The following SFMBT1 variants were observed in gnomAD, a reference collection of about 807,000 sequenced individuals.
The protein encoded by SFMBT1 is Scm like with four mbt domains 1.
A neutral mutation model predicts 108.7 loss-of-function variants in SFMBT1; 32 were observed. The ratio of observed to expected loss-of-function variants is 0.29; its 90% confidence interval spans 0.22 to 0.40. The LOEUF (loss-of-function observed/expected upper bound fraction) is 0.40, where lower values mean the gene tolerates loss of function less well. Ranked by LOEUF, SFMBT1 falls within the 10% of genes least tolerant of loss-of-function variation. SFMBT1 has a pLI of 1.00. For missense variants in SFMBT1, 816 were observed against 1,059.6 expected, an observed-to-expected ratio of 0.77 and a Z score of 3.19; for synonymous variants, 348 against 369.5, an observed-to-expected ratio of 0.94 and a Z score of 0.67.
At chr3:53,003,861 A>C (rs1214191354) in intron 1 of SFMBT1, among the ~76,000 whole-genome samples, 1 of 149,930 alleles carries the variant, frequency 6.7e-6, no homozygotes, top group Non-Finnish European at 1.5e-5. Context: ...TCCAAAATAC[A>C]TTTTATATCT....
chr3:53,013,817 T>C lies in SFMBT1; in HGVS notation c.-131+31999A>G, dbSNP rs188468008. ...CTAATTTTTGTATTTTTAGTAGAGA[T>C]GGGGTTTCACCATGTTGGTCAGGCT... On this transcript the variant is annotated intron_variant, in intron 1 of 20. Transcript: ENST00000394752. Among the ~76,000 whole-genome samples, 1,179 of 150,128 alleles carry C rather than the reference T, an allele frequency of 7.9e-3. 1 individual carries two copies. The highest frequency in any genetic ancestry group is 0.028 in the African/African-American group (1,126 of 39,798).
At chr3:52,963,081 C>A (rs548534783) in intron 2 of SFMBT1, among the ~76,000 whole-genome samples, 29 of 151,992 alleles carry the variant, frequency 1.9e-4, no homozygotes, top group Admixed American at 1.7e-3. Context: ...GCAACCTCCA[C>A]CTCCTGGGTA....
intron 1 of SFMBT1, among the ~76,000 whole-genome samples, chr3:52,985,827 G>A (rs1382292909): frequency 1.3e-5 from 2 of 152,136 alleles, no homozygotes; most frequent in African/African-American, 4.8e-5. Flanking sequence ...TAGGAAAGGT[G>A]TAGTCAAAAT....
rs1215709009 is a variant in SFMBT1, at chr3:52,920,666, CA to C, written c.1259-17del. 7.7e-7 allele frequency: 1 copy of C among 1,290,620 alleles called. No individual in the cohort carries two copies. Among genetic ancestry groups the C allele is most frequent in the African/African-American group, 1.7e-5 (1 of 58,368 alleles). 79.9% of individuals were successfully genotyped at this position (1,290,620 alleles called of 1,614,324 possible). ...TTCTTAGAACCTGTTTAGATTTAAA[CA>C]AACAAACAAACAAACAAACAAACCT... On this transcript the variant is annotated splice_polypyrimidine_tract_variant and intron_variant, in intron 11 of 20. Transcript: ENST00000394752.
chr3:52,977,494 G>C (rs1237294687), intron 1 of SFMBT1, among the ~76,000 whole-genome samples: 2 of 151,948 alleles, frequency 1.3e-5, no homozygotes, highest in South Asian at 4.2e-4. Context: ...GACAGTGTGA[G>C]ACTTCGTATC....
chr3:52,980,160 T>C (rs185244974), intron 1 of SFMBT1, among the ~76,000 whole-genome samples: 13 of 152,320 alleles, frequency 8.5e-5, no homozygotes, highest in Admixed American at 3.3e-4. Flanking sequence ...AAACACAGAC[T>C]GTACATGGTG....
At chr3:52,907,505 CA>C (rs773291939) in intron 18 of SFMBT1, 49 bp downstream of exon 18, 2 of 1,580,018 alleles carry the variant, frequency 1.3e-6, no homozygotes, top group South Asian at 2.4e-5. Flanking sequence ...TACTATAAAG[CA>C]GTGGTCACTT....
At chr3:52,927,122 G>A (rs748317515) in intron 9 of SFMBT1, among the ~76,000 whole-genome samples, 19 of 152,118 alleles carry the variant, frequency 1.2e-4, no homozygotes, top group Admixed American at 5.9e-4. Context: ...TATCTAGAGC[G>A]TGCCTGCAAA....
rs1204989528 is a variant in SFMBT1 at position 52,943,564 on chromosome 3, A to G, written c.153T>C (p.Ala51=). 3 of 1,614,140 alleles carry G rather than the reference A, an allele frequency of 1.9e-6. No individual in the cohort carries two copies. The highest frequency in any genetic ancestry group is 2.5e-6 in the Non-Finnish European group (3 of 1,180,052). ...CAGCCACCTCCAGCTTCATCCCAGG[A>G]GCAAATCCATTTTGCAAACGTGTGT... ...HVDTRLQNGF[A]PGMKLEVAVR... is the part of the protein sequence containing the mutation. The change falls in exon 4 of 21, where the codon GCT becomes GCC. Residue 51 remains alanine, a synonymous_variant. Coordinates refer to ENST00000394752, the MANE Select transcript of SFMBT1 (RefSeq NM_016329.4).
At chr3:52,951,692 T>C (rs1362333871) in intron 3 of SFMBT1, among the ~76,000 whole-genome samples, 1 of 152,214 alleles carries the variant, frequency 6.6e-6, no homozygotes, top group Non-Finnish European at 1.5e-5. Flanking sequence ...GCTATTTAAC[T>C]GCAGCAGGAA....
At chr3:52,936,303 A>G (rs1467529932) in intron 4 of SFMBT1, among the ~76,000 whole-genome samples, 1 of 152,232 alleles carries the variant, frequency 6.6e-6, no homozygotes, top group East Asian at 1.9e-4. Flanking sequence ...TCATAGAAAG[A>G]AGGCTTTCTT....
chr3:52,933,092 AGTCT>A (rs1217925735), intron 5 of SFMBT1, among the ~76,000 whole-genome samples: 1 of 152,210 alleles, frequency 6.6e-6, no homozygotes, highest in African/African-American at 2.4e-5. Context: ...CACCTCTGCC[AGTCT>A]GTCTGTTCCT....
At chr3:52,955,766 C>T (rs1345510254) in intron 2 of SFMBT1, among the ~76,000 whole-genome samples, 1 of 152,116 alleles carries the variant, frequency 6.6e-6, no homozygotes, top group Non-Finnish European at 1.5e-5. Context: ...CACATTTCTA[C>T]CAGAGATACA....
Position 52,930,950 on chromosome 3 carries a change from G to A in SFMBT1, c.786C>T (p.Tyr262=), listed in dbSNP as rs1027088426. ...CATGTTTTGTTTTTACCTTAAATAA[G>A]TAAGATGGTAATGGCTCTTCCTCTT... The part of the protein sequence containing the change: ...KEEEEEPLPS[Y]LFKDKQVIGI... Residue 262 remains tyrosine (Y), a synonymous_variant, in exon 7 of 21, where the codon TAC becomes TAT. Transcript: ENST00000394752. 4 of 1,613,842 alleles carry A rather than the reference G, an allele frequency of 2.5e-6. No homozygotes were observed. Among genetic ancestry groups the A allele is most frequent in the Middle Eastern group, 3.3e-4 (2 of 6,058 alleles).
Position 52,951,128 on chromosome 3 carries a change from A to AAAAG in SFMBT1, c.123+3188_123+3189insCTTT, listed in dbSNP as rs1252438971. Among the ~76,000 whole-genome samples, 138 of 149,520 alleles carry AAAAG rather than the reference A, an allele frequency of 9.2e-4. 1 individual carries two copies. The South Asian group carries it at 0.016, about 18-fold the overall frequency. Reference sequence around the variant, plus strand: ...AAGACTCTTATCTTAAAAAAAAAAAAAAAAGAAAAATCCAAGGTTTTCTTT... The same window carrying AAAAG: ...AAGACTCTTATCTTAAAAAAAAAAAAAAAGAAAAGAAAAATCCAAGGTTTTCTTT... On this transcript the variant is annotated intron_variant, in intron 3 of 20. Coordinates refer to ENST00000394752, the MANE Select transcript of SFMBT1 (RefSeq NM_016329.4).
At chr3:53,001,552 T>C (rs1257300224) in intron 1 of SFMBT1, among the ~76,000 whole-genome samples, 2 of 149,858 alleles carry the variant, frequency 1.3e-5, no homozygotes, top group African/African-American at 2.4e-5. Context: ...TCACATTTAC[T>C]GTGCTCCCAC....
At chr3:52,950,577 C>A (rs1300845020) in intron 3 of SFMBT1, among the ~76,000 whole-genome samples, 1 of 152,116 alleles carries the variant, frequency 6.6e-6, no homozygotes, top group African/African-American at 2.4e-5. Context: ...CAGATTCAAG[C>A]AATTCTCCCG....
At chr3:53,040,146 A>C (rs1699991435) in intron 1 of SFMBT1, among the ~76,000 whole-genome samples, 1 of 152,252 alleles carries the variant, frequency 6.6e-6, no homozygotes, top group Non-Finnish European at 1.5e-5. Context: ...AAAGCACTCT[A>C]GTCTGGGGAG....
chr3:52,998,453 G>A (rs940562849), intron 1 of SFMBT1, among the ~76,000 whole-genome samples: 3 of 150,362 alleles, frequency 2.0e-5, no homozygotes, highest in African/African-American at 7.3e-5. Flanking sequence ...ACGCATTGGA[G>A]AAAGTAAAGG....
Sources: allele counts gnomAD v4.1 joint callset (sites outside exome capture counted in the v4.1 genomes callset), GRCh38; gene constraint gnomAD v4.1.1; transcripts MANE v1.5; gene names NCBI Gene and HGNC (gene_info 2026-07-23, HGNC 2026-07-21).